CNTN5: variants seen among roughly 807,000 people sequenced by gnomAD.
The protein encoded by CNTN5 is contactin-5.
In CNTN5, 77 loss-of-function variants were observed where a neutral mutation model predicts 129.1. That is an observed-to-expected ratio of 0.60 (90% confidence interval 0.50 to 0.72). The LOEUF (loss-of-function observed/expected upper bound fraction) is 0.72, where lower values mean the gene tolerates loss of function less well. Among genes scored for constraint, CNTN5 ranks in the 30% least tolerant of loss-of-function variants. The pLI is 0.00. For synonymous variants in CNTN5, 509 were observed against 465.6 expected, an observed-to-expected ratio of 1.09 and a Z score of -1.20; for missense variants, 1,478 against 1,328.8, an observed-to-expected ratio of 1.11 and a Z score of -1.75.
intron 3 of CNTN5, among the ~76,000 whole-genome samples, chr11:99,592,543 G>A (rs1307814122): frequency 1.3e-5 from 2 of 152,052 alleles, no homozygotes; most frequent in East Asian, 3.9e-4. Context: ...AGCTGGAGTT[G>A]GGGAAGTGAA....
At chr11:99,495,929 G>A (rs1946207720) in intron 2 of CNTN5, among the ~76,000 whole-genome samples, 1 of 152,298 alleles carries the variant, frequency 6.6e-6, no homozygotes, top group African/African-American at 2.4e-5. Context: ...TGGCTTGGAT[G>A]ACTGAGTGGA....
intron 3 of CNTN5, among the ~76,000 whole-genome samples, chr11:99,782,345 A>G (rs1297460265): frequency 2.7e-5 from 4 of 149,668 alleles, no homozygotes; most frequent in Admixed American, 6.6e-5. Flanking sequence ...AACAAATGGA[A>G]GAACATTCCA....
At chr11:99,434,642 T>A (rs1156856784) in intron 2 of CNTN5, among the ~76,000 whole-genome samples, 1 of 152,156 alleles carries the variant, frequency 6.6e-6, no homozygotes, top group Non-Finnish European at 1.5e-5. Flanking sequence ...GCCGTTTTAA[T>A]AATTATTACC....
At chr11:100,310,642 TGA>T (rs773149857) in intron 21 of CNTN5, among the ~76,000 whole-genome samples, 1 of 151,792 alleles carries the variant, frequency 6.6e-6, no homozygotes, top group Non-Finnish European at 1.5e-5. Context: ...AAAAAAAATA[TGA>T]GATACAATTT....
intron 2 of CNTN5, among the ~76,000 whole-genome samples, chr11:99,392,646 T>A (rs1003746421): frequency 1.3e-5 from 2 of 151,882 alleles, no homozygotes; most frequent in Non-Finnish European, 2.9e-5. Flanking sequence ...GATGACAGTG[T>A]GTTTTCTCAT....
chr11:99,908,024 G>A (rs529125912), intron 6 of CNTN5, among the ~76,000 whole-genome samples: 2 of 152,148 alleles, frequency 1.3e-5, no homozygotes, highest in Admixed American at 1.3e-4. Context: ...GTCATAGGCT[G>A]TGAGTTAAAA....
intron 1 of CNTN5, among the ~76,000 whole-genome samples, chr11:99,146,058 A>T (rs1408089173): frequency 6.6e-6 from 1 of 152,110 alleles, no homozygotes; most frequent in Non-Finnish European, 1.5e-5. Context: ...AACTTAATAG[A>T]TCCATGTGCA....
chr11:100,074,156 C>T lies in CNTN5; in HGVS notation c.1442C>T (p.Thr481Ile). Residue 481 changes from threonine to isoleucine, a missense_variant, in exon 13 of 25, where the codon ACT becomes ATT. Transcript: ENST00000524871. ...GCTTTTTTAATAGCTTCAGCTCCCA[C>T]TTTTGCACTGAATCAACTGAAGAAA... ...AELKILASAP[T>I]FALNQLKKTI... 9 of 1,612,252 alleles carry T rather than the reference C, an allele frequency of 5.6e-6. No homozygotes were observed. The highest frequency in any genetic ancestry group is 5.9e-6 in the Non-Finnish European group (7 of 1,179,132).
chr11:100,315,702 T>G (rs146293759), intron 21 of CNTN5, among the ~76,000 whole-genome samples: 2 of 152,140 alleles, frequency 1.3e-5, no homozygotes, highest in Admixed American at 1.3e-4. Context: ...AAAAAAAATA[T>G]GAAATTCCAA....
Position 100,168,985 on chromosome 11 carries a change from T to G in CNTN5, c.1581-22141T>G, listed in dbSNP as rs571662665. On this transcript the variant is annotated intron_variant, in intron 13 of 24. Transcript: ENST00000524871. ...TCAGTAGAGGAAGTTACTGCAGATGTGTTAGGAAAGAGCAAGAGTAGTATT... is the reference window on the plus strand; with the variant it reads ...TCAGTAGAGGAAGTTACTGCAGATGGGTTAGGAAAGAGCAAGAGTAGTATT... 4.6e-5 allele frequency among the ~76,000 whole-genome samples: 7 copies of G among 151,966 alleles called. No individual in the cohort carries two copies. The South Asian group carries it at 1.5e-3, about 32-fold the overall frequency.
chr11:99,629,167 G>A (rs997892610), intron 3 of CNTN5, among the ~76,000 whole-genome samples: 19 of 151,912 alleles, frequency 1.3e-4, no homozygotes, highest in Non-Finnish European at 1.0e-4. Context: ...ATAGTAAGAG[G>A]CAAAAATGGT....
intron 1 of CNTN5, among the ~76,000 whole-genome samples, chr11:99,025,672 G>C (rs866335240): frequency 1.3e-5 from 2 of 151,668 alleles, no homozygotes; most frequent in Non-Finnish European, 3.0e-5. Context: ...TATAATGATA[G>C]TAATAAAGTA....
At chr11:99,501,881 C>A (rs1946439440) in intron 2 of CNTN5, among the ~76,000 whole-genome samples, 1 of 152,170 alleles carries the variant, frequency 6.6e-6, no homozygotes, top group Admixed American at 6.5e-5. Flanking sequence ...GAAGGCCTGA[C>A]TCATAGGCAT....
At chr11:99,662,712 T>G (rs1461275017) in intron 3 of CNTN5, among the ~76,000 whole-genome samples, 1 of 152,228 alleles carries the variant, frequency 6.6e-6, no homozygotes, top group Non-Finnish European at 1.5e-5. Context: ...ATTTGAACAC[T>G]GCTGTGATCT....
intron 13 of CNTN5, among the ~76,000 whole-genome samples, chr11:100,127,963 C>A (rs2138194769): frequency 6.6e-6 from 1 of 152,076 alleles, no homozygotes; most frequent in African/African-American, 2.4e-5. Flanking sequence ...ACCCAGCCCC[C>A]ATAAACAGAC....
rs564791246 is a variant in CNTN5 at position 99,180,080 on chromosome 11, G to A, written c.-209-145266G>A. Among the ~76,000 whole-genome samples, 30 of 152,214 alleles carry A rather than the reference G, an allele frequency of 2.0e-4. 1 individual carries two copies. Among genetic ancestry groups the A allele is most frequent in the African/African-American group, 7.0e-4 (29 of 41,534 alleles). On this transcript the variant is annotated intron_variant, in intron 1 of 24. Coordinates refer to ENST00000524871, the MANE Select transcript of CNTN5 (RefSeq NM_014361.4). ...TGTTCTGTGTGGGAAACACGGGAGG[G>A]AGAAGAAAAGACACACACACACTAC...
At chr11:99,403,512 T>G (rs2406924) in intron 2 of CNTN5, among the ~76,000 whole-genome samples, 152,002 of 152,176 alleles carry the variant, frequency 1, 75,915 homozygotes, top group Non-Finnish European at 1. Flanking sequence ...TTACCTCTTA[T>G]TGCTGCTTTT....
At chr11:99,970,207 T>G (rs1252034718) in intron 8 of CNTN5, among the ~76,000 whole-genome samples, 1 of 152,148 alleles carries the variant, frequency 6.6e-6, no homozygotes, top group Non-Finnish European at 1.5e-5. Flanking sequence ...TTGAACTCCT[T>G]CTTTCTGTAG....
At chr11:99,253,082 C>T (rs1021627258) in intron 1 of CNTN5, among the ~76,000 whole-genome samples, 3 of 151,798 alleles carry the variant, frequency 2.0e-5, no homozygotes, top group African/African-American at 4.8e-5. Flanking sequence ...TTGTAATAAT[C>T]CCCACGATTC....
Sources: gnomAD v4.1 joint callset for allele counts (sites outside exome capture counted in the v4.1 genomes callset) on GRCh38, gnomAD v4.1.1 for gene constraint, MANE v1.5 for transcripts, NCBI Gene and HGNC (gene_info 2026-07-23, HGNC 2026-07-21) for gene names.